The following ANO3 variants were observed in gnomAD, a reference collection of about 807,000 sequenced individuals.
The protein encoded by ANO3 is anoctamin 3, also known as anoctamin-3.
Under a neutral mutation model 144.8 loss-of-function variants are expected in ANO3, and 99 were observed. That is an observed-to-expected ratio of 0.68 (90% CI 0.58 to 0.81). ANO3 has a LOEUF of 0.81. Among genes scored for constraint, ANO3 ranks in the 30% least tolerant of loss-of-function variants. ANO3 has a pLI of 0.00. For synonymous variants in ANO3, 414 were observed against 392.6 expected, an observed-to-expected ratio of 1.05 and a Z score of -0.64; for missense variants, 905 against 1,202.2, an observed-to-expected ratio of 0.75 and a Z score of 3.66.
intron 23 of ANO3, among the ~76,000 whole-genome samples, chr11:26,645,862 T>C (rs181548769): frequency 7.2e-4 from 109 of 152,198 alleles, no homozygotes; most frequent in Non-Finnish European, 1.3e-3. Context: ...AACCTAAAAT[T>C]AAATAAAAAT....
At chr11:26,354,558 T>G (rs1590286094) in intron 1 of ANO3, among the ~76,000 whole-genome samples, 2 of 152,320 alleles carry the variant, frequency 1.3e-5, no homozygotes, top group African/African-American at 4.8e-5. Context: ...TCCCACCACT[T>G]TGCACTTCCC....
At chr11:26,347,474 G>T (rs931308858) in intron 1 of ANO3, among the ~76,000 whole-genome samples, 1 of 152,188 alleles carries the variant, frequency 6.6e-6, no homozygotes, top group South Asian at 2.1e-4. Context: ...TCTGAGACAA[G>T]ACCAGACTTC....
chr11:26,232,303 C>G (rs1353909123), intron 1 of ANO3, among the ~76,000 whole-genome samples: 1 of 152,046 alleles, frequency 6.6e-6, no homozygotes. Flanking sequence ...AAGACGTGCT[C>G]AGGGCATCTA....
chr11:26,542,938 G>A (rs1243532715), intron 11 of ANO3, among the ~76,000 whole-genome samples: 1 of 152,060 alleles, frequency 6.6e-6, no homozygotes, highest in Non-Finnish European at 1.5e-5. Context: ...AGCTGAATCA[G>A]TCAGTGCCCC....
intron 3 of ANO3, among the ~76,000 whole-genome samples, chr11:26,451,742 C>A (rs1858949383): frequency 6.6e-6 from 1 of 152,188 alleles, no homozygotes; most frequent in South Asian, 2.1e-4. Context: ...GTGGTTCTCC[C>A]AGCATGCAGC....
intron 14 of ANO3, among the ~76,000 whole-genome samples, chr11:26,594,773 TGA>T (rs1291398496): frequency 6.6e-6 from 1 of 152,144 alleles, no homozygotes; most frequent in East Asian, 1.9e-4. Context: ...TTTACATAAT[TGA>T]GAGTTTTCTC....
intron 26 of ANO3, among the ~76,000 whole-genome samples, chr11:26,657,062 A>G (rs1056717961): frequency 6.6e-6 from 1 of 152,184 alleles, no homozygotes; most frequent in Admixed American, 6.6e-5. Flanking sequence ...TTATTTCAAT[A>G]CAGTGAATAA....
chr11:26,625,653 G>A (rs572796817), intron 18 of ANO3, among the ~76,000 whole-genome samples: 23 of 151,810 alleles, frequency 1.5e-4, no homozygotes, highest in Non-Finnish European at 3.4e-4. Context: ...GTTTTGCCAA[G>A]ACTCTAAATT....
chr11:26,344,311 A>G (rs1855443398), intron 1 of ANO3, among the ~76,000 whole-genome samples: 2 of 152,130 alleles, frequency 1.3e-5, no homozygotes, highest in Non-Finnish European at 2.9e-5. Flanking sequence ...CTAAGAATAG[A>G]CAAGAAATTG....
At chr11:26,301,927 A>G (rs972536762) in intron 1 of ANO3, among the ~76,000 whole-genome samples, 1 of 152,196 alleles carries the variant, frequency 6.6e-6, no homozygotes, top group East Asian at 1.9e-4. Flanking sequence ...ATAGGCCTGC[A>G]TGTTTTAGAA....
chr11:26,461,272 G>T (rs1167557951), intron 3 of ANO3, among the ~76,000 whole-genome samples: 1 of 152,072 alleles, frequency 6.6e-6, no homozygotes, highest in Non-Finnish European at 1.5e-5. Flanking sequence ...CAAAATTTCA[G>T]TTTCTTTCAC....
chr11:26,628,408 G>A (rs769355172), intron 18 of ANO3, among the ~76,000 whole-genome samples: 30 of 152,052 alleles, frequency 2.0e-4, no homozygotes, highest in Admixed American at 1.1e-3. Context: ...CTTTTCATCC[G>A]TAATTAGCTT....
intron 14 of ANO3, among the ~76,000 whole-genome samples, chr11:26,591,690 G>C (rs1851457192): frequency 6.6e-6 from 1 of 152,120 alleles, no homozygotes; most frequent in African/African-American, 2.4e-5. Context: ...GTGAAAGGGG[G>C]TAAGAGAACA....
At chr11:26,397,110 C>G (rs1192804818) in intron 1 of ANO3, among the ~76,000 whole-genome samples, 1 of 151,922 alleles carries the variant, frequency 6.6e-6, no homozygotes, top group African/African-American at 2.4e-5. Context: ...TTAGGTGCAG[C>G]TATTGTCATC....
chr11:26,509,105 C>CTA (rs34831311), intron 5 of ANO3, among the ~76,000 whole-genome samples: 36,114 of 147,336 alleles, frequency 0.25, 4,863 homozygotes, highest in Middle Eastern at 0.38. Flanking sequence ...CTCTCTCTCT[C>CTA]TATATATATA....
chr11:26,550,151 A>T (rs966493845), intron 12 of ANO3, among the ~76,000 whole-genome samples: 5 of 151,814 alleles, frequency 3.3e-5, no homozygotes, highest in Admixed American at 1.3e-4. Context: ...AAAATTATCA[A>T]CAGTATTAAC....
chr11:26,225,166 C>T (rs1177201872), intron 1 of ANO3, among the ~76,000 whole-genome samples: 3 of 151,518 alleles, frequency 2.0e-5, no homozygotes, highest in Admixed American at 6.6e-5. Context: ...CAGTAAGTGG[C>T]GGAAAAAAAT....
chr11:26,565,501 C>A (rs1045807927), intron 14 of ANO3: 1 of 1,613,140 alleles, frequency 6.2e-7, no homozygotes, highest in African/African-American at 1.3e-5. Context: ...TTCCAAGGCA[C>A]TTTAGAAACA....
intron 20 of ANO3, among the ~76,000 whole-genome samples, chr11:26,637,311 T>C (rs1565157837): frequency 6.6e-6 from 1 of 152,178 alleles, no homozygotes; most frequent in Non-Finnish European, 1.5e-5. Flanking sequence ...TCATCTTCTT[T>C]TTCCCATCCC....
Sources: gnomAD v4.1 joint callset for allele counts (sites outside exome capture counted in the v4.1 genomes callset) on GRCh38, gnomAD v4.1.1 for gene constraint, MANE v1.5 for transcripts, NCBI Gene and HGNC (gene_info 2026-07-23, HGNC 2026-07-21) for gene names.